Variants in PHKB observed in about 807,000 individuals in gnomAD.
PHKB encodes the protein phosphorylase b kinase regulatory subunit beta.
PHKB carries 122 observed loss-of-function variants against 152.1 expected under a neutral mutation model. The observed-to-expected ratio is 0.80, with a 90% CI of 0.69 to 0.93. The LOEUF is 0.93. Among genes scored for constraint, PHKB ranks in the 40% least tolerant of loss-of-function variants. The pLI is 0.00. For synonymous variants in PHKB, 436 were observed against 464.9 expected (o/e 0.94, Z 0.80); for missense variants, 1,304 against 1,328.4 (o/e 0.98, Z 0.29).
chr16:47,588,861 C>T, intron 9 of PHKB, 44 bp from the exon 10 acceptor site: 1 of 1,516,984 alleles, frequency 6.6e-7, no homozygotes, highest in Non-Finnish European at 9.2e-7. Flanking sequence ...GTGTTGATCA[C>T]ATCGCTGTGG....
intron 2 of PHKB, among the ~76,000 whole-genome samples, chr16:47,497,888 A>G (rs1321278930): frequency 4.6e-5 from 7 of 152,240 alleles, no homozygotes; most frequent in African/African-American, 1.7e-4. Flanking sequence ...TTGAGATACA[A>G]GAGATAATCA....
intron 30 of PHKB, 60 bp from the exon 31 acceptor site, chr16:47,699,169 T>C: frequency 6.5e-7 from 1 of 1,531,346 alleles, no homozygotes; most frequent in South Asian, 1.1e-5. Flanking sequence ...ACACAGATTT[T>C]ACCTGTCAAC....
chr16:47,693,319 C>T, intron 27 of PHKB, 59 bp from the exon 28 acceptor site: 1 of 1,590,194 alleles, frequency 6.3e-7, no homozygotes, highest in Non-Finnish European at 8.6e-7. Flanking sequence ...ATTGAAAGCC[C>T]TGCTGTCTAC....
intron 6 of PHKB, among the ~76,000 whole-genome samples, chr16:47,534,195 A>G (rs1299092186): frequency 2.0e-5 from 3 of 152,188 alleles, no homozygotes; most frequent in Non-Finnish European, 4.4e-5. Context: ...GCCACTCCAG[A>G]TGGCCCACCG....
intron 16 of PHKB, among the ~76,000 whole-genome samples, chr16:47,647,266 G>A (rs1973147126): frequency 6.6e-6 from 1 of 152,050 alleles, no homozygotes. Flanking sequence ...TAGGATTACA[G>A]CCATGTGTCA....
chr16:47,493,548 G>A (rs1043688841), intron 1 of PHKB, among the ~76,000 whole-genome samples: 1 of 152,132 alleles, frequency 6.6e-6, no homozygotes, highest in Non-Finnish European at 1.5e-5. Flanking sequence ...GCATGAAGAG[G>A]CACCATAAGC....
chr16:47,620,628 C>T (rs1417651783), intron 14 of PHKB, among the ~76,000 whole-genome samples: 1 of 152,144 alleles, frequency 6.6e-6, no homozygotes, highest in African/African-American at 2.4e-5. Flanking sequence ...GTAATCCCAG[C>T]ACTTGGGGAG....
chr16:47,661,805 G>C lies in PHKB; in HGVS notation c.2278+5G>C, dbSNP rs1311454563. On this transcript the variant is annotated splice_donor_5th_base_variant and intron_variant, in intron 23 of 30. Coordinates refer to ENST00000323584, the MANE Select transcript of PHKB (RefSeq NM_000293.3). Reference sequence around the variant, plus strand: ...CCAACTTCATCACAAAGGAAGGTAAGCATGCATGTCTAGGAGAACATTTTA... The same window carrying C: ...CCAACTTCATCACAAAGGAAGGTAACCATGCATGTCTAGGAGAACATTTTA... 6.3e-6 allele frequency: 10 copies of C among 1,591,304 alleles called. No homozygotes were observed. Among genetic ancestry groups the C allele is most frequent in the Non-Finnish European group, 8.6e-6 (10 of 1,159,370 alleles).
chr16:47,519,084 G>C (rs896506497), intron 6 of PHKB, among the ~76,000 whole-genome samples: 2 of 152,126 alleles, frequency 1.3e-5, no homozygotes, highest in Non-Finnish European at 2.9e-5. Context: ...GCACATTTAG[G>C]TTGCAAGCCT....
At chr16:47,461,458 G>T in intron 1 of PHKB, 32 bp downstream of exon 1, 2 of 1,606,390 alleles carry the variant, frequency 1.2e-6, no homozygotes, top group Non-Finnish European at 1.7e-6. Context: ...CCCCCCACCC[G>T]AGTACCTTGG....
At chr16:47,561,872 T>C (rs1294778996) in intron 7 of PHKB, 1 of 152,206 alleles carries the variant, frequency 6.6e-6, no homozygotes, top group African/African-American at 2.4e-5. Context: ...GTTTCTCCTT[T>C]AGGGCTCGAT....
chr16:47,474,451 C>T (rs903878624), intron 1 of PHKB, among the ~76,000 whole-genome samples: 1 of 152,148 alleles, frequency 6.6e-6, no homozygotes, highest in African/African-American at 2.4e-5. Context: ...AGTTCCTCTT[C>T]GTACATATTT....
Position 47,689,051 on chromosome 16 carries a change from C to T in PHKB, c.2641C>T (p.His881Tyr). 12 of 1,614,000 alleles carry T rather than the reference C, an allele frequency of 7.4e-6. No individual in the cohort carries two copies. The highest frequency in any genetic ancestry group is 9.3e-6 in the Non-Finnish European group (11 of 1,179,934). Reference protein sequence around the residue: ...MLKIRIGWIIHAMEYELQIRG... With the variant: ...MLKIRIGWIIYAMEYELQIRG... ...CCTGTTTTGTTTCAGGTGGATCATC[C>T]ATGCCATGGAGTATGAACTTCAGAT... is the stretch of plus-strand genomic sequence containing the variant. Residue 881 changes from histidine to tyrosine, a missense_variant, in exon 27 of 31, where the codon CAT becomes TAT. Coordinates refer to ENST00000323584, the MANE Select transcript of PHKB (RefSeq NM_000293.3).
At chr16:47,517,320 G>C (rs774179860) in intron 6 of PHKB, among the ~76,000 whole-genome samples, 3 of 149,946 alleles carry the variant, frequency 2.0e-5, no homozygotes, top group African/African-American at 7.4e-5. Flanking sequence ...CAGTAACACC[G>C]TTTCAGCTCA....
chr16:47,585,185 A>G (rs931556471), intron 8 of PHKB, among the ~76,000 whole-genome samples: 1 of 152,234 alleles, frequency 6.6e-6, no homozygotes, highest in African/African-American at 2.4e-5. Flanking sequence ...AGGTGGAGTC[A>G]GGATATTATG....
chr16:47,549,231 A>T (rs145123595), intron 7 of PHKB, among the ~76,000 whole-genome samples: 81 of 152,368 alleles, frequency 5.3e-4, no homozygotes, highest in African/African-American at 1.8e-3. Flanking sequence ...CACTCAAATT[A>T]TAAGAAATTT....
intron 1 of PHKB, among the ~76,000 whole-genome samples, chr16:47,495,608 T>C (rs1970218544): frequency 6.6e-6 from 1 of 152,232 alleles, no homozygotes; most frequent in African/African-American, 2.4e-5. Flanking sequence ...TTATTTTCTT[T>C]CATAGTGAAT....
Position 47,698,518 on chromosome 16 carries a change from A to G in PHKB, c.3074A>G (p.Asp1025Gly), listed in dbSNP as rs372805949. 4.3e-6 allele frequency: 7 copies of G among 1,611,358 alleles called. No homozygotes were observed. The highest frequency in any genetic ancestry group is 5.9e-6 in the Non-Finnish European group (7 of 1,177,880). ...GAATTTCAAGACAAAGTAGATCTAG[A>G]CAGACTGGTCAAAGAAGCATTTAAT... ...ELEFQDKVDLDRLVKEAFNEF... is the reference protein window; with the variant it reads ...ELEFQDKVDLGRLVKEAFNEF... The change falls in exon 30 of 31, where the codon GAC (aspartate) becomes GGC (glycine). Residue 1025 changes from aspartate (D) to glycine (G), a missense_variant. Asp to Gly is a moderately conservative substitution (Grantham distance 94). Coordinates refer to ENST00000323584, the MANE Select transcript of PHKB (RefSeq NM_000293.3).
chr16:47,680,415 G>C (rs1264394502), intron 26 of PHKB, among the ~76,000 whole-genome samples: 1 of 152,048 alleles, frequency 6.6e-6, no homozygotes, highest in Admixed American at 6.6e-5. Context: ...ATTTTTGGTT[G>C]GTAAGCTATT....
Sources: gnomAD v4.1 joint callset for allele counts (sites outside exome capture counted in the v4.1 genomes callset) on GRCh38, gnomAD v4.1.1 for gene constraint, MANE v1.5 for transcripts, NCBI Gene and HGNC (gene_info 2026-07-23, HGNC 2026-07-21) for gene names.